Variants in CLGN observed in about 807,000 individuals in gnomAD.
CLGN encodes calmegin.
A neutral mutation model predicts 79.1 loss-of-function variants in CLGN; 62 were observed. The observed-to-expected ratio is 0.78, with a 90% CI of 0.64 to 0.97. CLGN has a LOEUF of 0.97. Among genes scored for constraint, CLGN ranks in the 50% least tolerant of loss-of-function variants. CLGN has a pLI of 0.00. For synonymous variants in CLGN, 225 were observed against 224.7 expected, an observed-to-expected ratio of 1.00 and a Z score of -0.01; for missense variants, 647 against 715.5, an observed-to-expected ratio of 0.90 and a Z score of 1.09.
chr4:140,412,530 T>C (rs1729233412), intron 2 of CLGN, among the ~76,000 whole-genome samples: 1 of 152,082 alleles, frequency 6.6e-6, no homozygotes, highest in Non-Finnish European at 1.5e-5. Flanking sequence ...ATCCTCCTTC[T>C]TAGCATTTTC....
chr4:140,416,951 A>G (rs1168483350), intron 1 of CLGN, among the ~76,000 whole-genome samples: 1 of 152,194 alleles, frequency 6.6e-6, no homozygotes, highest in Admixed American at 6.5e-5. Context: ...AAAATCCTCA[A>G]TAAAATACTG....
chr4:140,415,550 C>G (rs1729311689), intron 1 of CLGN, among the ~76,000 whole-genome samples: 1 of 152,070 alleles, frequency 6.6e-6, no homozygotes. Context: ...GGGCTGCAAT[C>G]CTAGTCTCTG....
intron 5 of CLGN, among the ~76,000 whole-genome samples, chr4:140,403,708 C>T (rs964718421): frequency 6.6e-6 from 1 of 152,122 alleles, no homozygotes; most frequent in Non-Finnish European, 1.5e-5. Context: ...TCCATTATGC[C>T]TAGATTCAAT....
intron 8 of CLGN, among the ~76,000 whole-genome samples, chr4:140,398,558 A>G (rs1366938593): frequency 2.0e-5 from 3 of 152,108 alleles, no homozygotes; most frequent in African/African-American, 7.2e-5. Context: ...CAAACTAGGA[A>G]TGAAAATTAA....
At chr4:140,393,373 C>A (rs1056656492) in intron 11 of CLGN, among the ~76,000 whole-genome samples, 4 of 152,112 alleles carry the variant, frequency 2.6e-5, no homozygotes, top group South Asian at 2.1e-4. Flanking sequence ...TTTAGCCCAA[C>A]CTTTTCTAAA....
chr4:140,423,072 T>C (rs886498692), intron 1 of CLGN, among the ~76,000 whole-genome samples: 2 of 152,190 alleles, frequency 1.3e-5, no homozygotes, highest in African/African-American at 4.8e-5. Flanking sequence ...CTAATTTCTC[T>C]GGCTCGGGAG....
intron 5 of CLGN, among the ~76,000 whole-genome samples, chr4:140,405,339 T>C (rs1043307007): frequency 1.3e-5 from 2 of 149,512 alleles, no homozygotes; most frequent in African/African-American, 2.5e-5. Context: ...CGCCCGCCAC[T>C]ACGCCCGGCT....
intron 4 of CLGN, among the ~76,000 whole-genome samples, chr4:140,408,487 A>G (rs183850569): frequency 6.6e-6 from 1 of 152,216 alleles, no homozygotes; most frequent in Admixed American, 6.5e-5. Context: ...CAAGAAAAAA[A>G]TTAATCCCAT....
chr4:140,401,955 A>T, intron 6 of CLGN, 30 bp downstream of exon 6: 2 of 1,199,006 alleles, frequency 1.7e-6, no homozygotes, highest in Non-Finnish European at 2.4e-6. Flanking sequence ...TAACTTTAAT[A>T]AGGTTTTCTT....
Position 140,392,238 on chromosome 4 carries a change from A to G in CLGN, c.1632T>C (p.Asp544=). 4 of 1,612,298 alleles carry G rather than the reference A, an allele frequency of 2.5e-6. No homozygotes were observed. The highest frequency in any genetic ancestry group is 3.4e-6 in the Non-Finnish European group (4 of 1,179,302). The part of the protein sequence containing the change: ...MDLEEEKKQN[D]GEMLEKEEES... ...TCTTACCTTTTTCAAGCATTTCACCATCATTTTGCTTTTTTTCCTCTTCCA... is the reference window on the plus strand; with the variant it reads ...TCTTACCTTTTTCAAGCATTTCACCGTCATTTTGCTTTTTTTCCTCTTCCA... The change falls in exon 13 of 15, where the codon GAT becomes GAC. Residue 544 remains aspartate, a synonymous_variant. Transcript: ENST00000325617.
In CLGN at chr4:140,392,303, C is replaced by T. The variant is rs776857812; in HGVS notation, c.1567G>A (p.Glu523Lys). The T allele has an allele frequency of 3.2e-5, 51 of 1,613,244 alleles. No homozygotes were observed. Among genetic ancestry groups the T allele is most frequent in the Non-Finnish European group, 4.2e-5 (50 of 1,179,568 alleles). The change falls in exon 13 of 15, where the codon GAA becomes AAA. Residue 523 changes from glutamate to lysine, a missense_variant. Glu to Lys is a moderately conservative substitution (Grantham distance 56). Transcript: ENST00000325617. Reference protein sequence around the residue: ...PQTKGVLEQEEKEEKAALEKP... With the variant: ...PQTKGVLEQEKKEEKAALEKP... ...TCCAGGGCTGCTTTCTCTTCCTTTT[C>T]TTCTTGCTCTAGTACTCCTTTTGTT...
intron 3 of CLGN, among the ~76,000 whole-genome samples, chr4:140,410,273 C>T (rs1392466851): frequency 6.6e-6 from 1 of 151,832 alleles, no homozygotes; most frequent in East Asian, 1.9e-4. Flanking sequence ...TCATATTTGT[C>T]ATCTGAACTT....
chr4:140,408,910 CAT>C (rs1313261076), intron 4 of CLGN, among the ~76,000 whole-genome samples: 1 of 148,800 alleles, frequency 6.7e-6, no homozygotes, highest in Non-Finnish European at 1.5e-5. Flanking sequence ...TATATACACA[CAT>C]ATATGTGTAT....
intron 1 of CLGN, among the ~76,000 whole-genome samples, chr4:140,423,942 T>C (rs909741085): frequency 1.1e-4 from 17 of 152,208 alleles, no homozygotes; most frequent in African/African-American, 4.1e-4. Flanking sequence ...TTGTTAATTT[T>C]TTTGTTGACC....
At chr4:140,407,271 C>T (rs762104781) in intron 4 of CLGN, among the ~76,000 whole-genome samples, 25 of 152,094 alleles carry the variant, frequency 1.6e-4, no homozygotes, top group Admixed American at 1.3e-4. Context: ...TTGCCTCTCG[C>T]CCCCTATAAA....
intron 1 of CLGN, among the ~76,000 whole-genome samples, chr4:140,425,886 C>T (rs1313425838): frequency 6.6e-6 from 1 of 152,152 alleles, no homozygotes; most frequent in African/African-American, 2.4e-5. Flanking sequence ...GCCTCGGCCT[C>T]CCAAAGTGCT....
intron 10 of CLGN, among the ~76,000 whole-genome samples, chr4:140,395,436 G>T (rs536520396): frequency 1.3e-5 from 2 of 152,058 alleles, no homozygotes; most frequent in African/African-American, 4.8e-5. Flanking sequence ...ATGAGCCACC[G>T]TACCTGGCCA....
intron 13 of CLGN, 152 bp downstream of exon 13, chr4:140,392,067 T>C (rs1728782876): frequency 4.1e-6 from 4 of 965,898 alleles, no homozygotes; most frequent in East Asian, 2.5e-5. Flanking sequence ...CAGAGGACTA[T>C]TATTCCTTCT....
intron 1 of CLGN, among the ~76,000 whole-genome samples, chr4:140,414,389 A>G (rs564992567): frequency 1.8e-4 from 28 of 151,764 alleles, no homozygotes; most frequent in African/African-American, 6.8e-4. Context: ...GCTTCAGATG[A>G]TCAAATTACT....
Sources: allele counts gnomAD v4.1 joint callset (sites outside exome capture counted in the v4.1 genomes callset), GRCh38; gene constraint gnomAD v4.1.1; transcripts MANE v1.5; gene names NCBI Gene and HGNC (gene_info 2026-07-23, HGNC 2026-07-21).